Variants in RBFOX1 observed in about 807,000 individuals in gnomAD.
The protein encoded by RBFOX1 is RNA binding protein fox-1 homolog 1.
A neutral mutation model predicts 57.7 loss-of-function variants in RBFOX1; 8 were observed. The ratio of observed to expected loss-of-function variants is 0.14; its 90% confidence interval spans 0.08 to 0.25. RBFOX1 has a LOEUF of 0.25. RBFOX1 is among the 10% of genes least tolerant of loss of function. The pLI is 1.00. For synonymous variants in RBFOX1, 326 were observed against 222.4 expected, an observed-to-expected ratio of 1.47 and a Z score of -4.15; for missense variants, 611 against 548.5, an observed-to-expected ratio of 1.11 and a Z score of -1.14.
At chr16:6,998,909 C>G (rs996693438) in intron 3 of RBFOX1, among the ~76,000 whole-genome samples, 17 of 151,862 alleles carry the variant, frequency 1.1e-4, no homozygotes, top group Non-Finnish European at 2.4e-4. Context: ...CACTCTATCA[C>G]CCAGGCTGGA....
At chr16:6,457,442 C>CCCCT (rs769026594) in intron 2 of RBFOX1, among the ~76,000 whole-genome samples, 3 of 70,104 alleles carry the variant, frequency 4.3e-5, no homozygotes, top group African/African-American at 1.2e-4. Context: ...CGGAAGTCCC[C>CCCCT]CCCCCCGCAA....
chr16:7,201,052 A>G (rs2088262189), intron 4 of RBFOX1, among the ~76,000 whole-genome samples: 1 of 152,356 alleles, frequency 6.6e-6, no homozygotes, highest in Non-Finnish European at 1.5e-5. Flanking sequence ...ATTGAATTTT[A>G]TGAGATCAGT....
At chr16:6,213,906 C>G (rs62016046) in intron 1 of RBFOX1, among the ~76,000 whole-genome samples, 2 of 152,112 alleles carry the variant, frequency 1.3e-5, no homozygotes, top group African/African-American at 4.8e-5. Flanking sequence ...GGATGCTTAG[C>G]AGCATCCCAG....
At chr16:5,776,328 G>C (rs538200727) in intron 3 of RBFOX1, among the ~76,000 whole-genome samples, 3 of 152,182 alleles carry the variant, frequency 2.0e-5, no homozygotes, top group Non-Finnish European at 4.4e-5. Flanking sequence ...CTTCCACTCT[G>C]TGTGTTCTTT....
At chr16:5,790,938 G>A (rs939300900) in intron 3 of RBFOX1, among the ~76,000 whole-genome samples, 7 of 148,938 alleles carry the variant, frequency 4.7e-5, no homozygotes, top group South Asian at 2.1e-4. Context: ...GTGTGATTTC[G>A]GCACACTGCA....
intron 1 of RBFOX1, among the ~76,000 whole-genome samples, chr16:6,066,863 G>A (rs777715735): frequency 7.2e-5 from 11 of 152,094 alleles, no homozygotes; most frequent in Non-Finnish European, 1.6e-4. Flanking sequence ...ATTTGCAGCA[G>A]AAGGTAATTG....
chr16:7,496,489 C>T (rs918114013), intron 4 of RBFOX1, among the ~76,000 whole-genome samples: 11 of 152,008 alleles, frequency 7.2e-5, no homozygotes, highest in South Asian at 2.1e-4. Flanking sequence ...TAACTCAGAG[C>T]CCTTATGGGG....
intron 4 of RBFOX1, among the ~76,000 whole-genome samples, chr16:7,359,992 A>AC (rs1249754648): frequency 6.6e-6 from 1 of 151,880 alleles, no homozygotes; most frequent in Admixed American, 6.6e-5. Flanking sequence ...TCAAAAAAAA[A>AC]CAAAAAACAA....
chr16:7,427,903 C>G (rs191610286), intron 4 of RBFOX1, among the ~76,000 whole-genome samples: 1 of 152,304 alleles, frequency 6.6e-6, no homozygotes, highest in East Asian at 1.9e-4. Flanking sequence ...ATCTGCCTGC[C>G]TTGGCCTCCT....
At chr16:7,361,957 G>A (rs1173877620) in intron 4 of RBFOX1, among the ~76,000 whole-genome samples, 1 of 151,864 alleles carries the variant, frequency 6.6e-6, no homozygotes, top group Non-Finnish European at 1.5e-5. Context: ...TGTTTTGTGT[G>A]TATGTTTGTG....
chr16:6,215,860 A>G (rs1360020882), intron 1 of RBFOX1, among the ~76,000 whole-genome samples: 1 of 152,160 alleles, frequency 6.6e-6, no homozygotes, highest in Non-Finnish European at 1.5e-5. Flanking sequence ...AGTATGAATC[A>G]ACTCGCCACA....
chr16:6,780,454 T>TTATATATA lies in RBFOX1; in HGVS notation c.-16+125805_-16+125806insATATATAT, dbSNP rs1567217635. 4.2e-4 allele frequency among the ~76,000 whole-genome samples: 42 copies of TTATATATA among 100,010 alleles called. 1 individual carries two copies. Among genetic ancestry groups the TTATATATA allele is most frequent in the South Asian group, 2.1e-3 (6 of 2,866 alleles). 65.6% of individuals were successfully genotyped at this position (100,010 alleles called of 152,430 possible). A position where few individuals can be genotyped will look rare whatever the true frequency, so the allele number is the denominator to read the frequency against. The stretch of plus-strand genomic sequence containing the variant: ...TTTATAGATATATTTATATATACAT[T>TTATATATA]TTTATATATATTTATATACATTTTT... On this transcript the variant is annotated intron_variant, in intron 3 of 15. Transcript: ENST00000550418.
At position 5,836,453 on chromosome 16, in the gene RBFOX1, C is replaced by G. The variant is rs754202078; in HGVS notation, c.319-30850C>G. 2.6e-4 allele frequency among the ~76,000 whole-genome samples: 40 copies of G among 152,318 alleles called. 1 individual carries two copies. The highest frequency in any genetic ancestry group is 7.8e-4 in the Admixed American group (12 of 15,304). On this transcript the variant is annotated intron_variant, in intron 3 of 19. Coordinates refer to the RBFOX1 transcript ENST00000641259. Reference sequence around the variant, plus strand: ...ATACCTGTCACTTGCTCCCCCTGTTCTGCTCCCCATCTCAGTGAACAGAAC... The same window carrying G: ...ATACCTGTCACTTGCTCCCCCTGTTGTGCTCCCCATCTCAGTGAACAGAAC...
At chr16:6,749,457 G>A (rs192910298) in intron 3 of RBFOX1, among the ~76,000 whole-genome samples, 14 of 152,244 alleles carry the variant, frequency 9.2e-5, no homozygotes, top group East Asian at 3.9e-4. Context: ...ACTCATAACC[G>A]TCCGGGGAGG....
At chr16:7,664,735 C>A in intron 12 of RBFOX1, 194 bp from the exon 13 acceptor site, 1 of 936,174 alleles carries the variant, frequency 1.1e-6, no homozygotes, top group Non-Finnish European at 1.6e-6. Context: ...GGGCCAACAC[C>A]AAAGCCCGGC....
intron 1 of RBFOX1, among the ~76,000 whole-genome samples, chr16:6,039,715 G>A (rs1391889020): frequency 1.3e-5 from 2 of 152,188 alleles, no homozygotes; most frequent in Non-Finnish European, 1.5e-5. Context: ...CTTTTATGGT[G>A]CCTTTTTCTG....
chr16:5,290,268 A>C (rs1247491646), intron 1 of RBFOX1, among the ~76,000 whole-genome samples: 1 of 152,214 alleles, frequency 6.6e-6, no homozygotes, highest in Non-Finnish European at 1.5e-5. Context: ...AGGCTGAGGC[A>C]GGAGAATTGC....
chr16:6,078,889 G>A (rs1186991596), intron 1 of RBFOX1, among the ~76,000 whole-genome samples: 2 of 152,202 alleles, frequency 1.3e-5, no homozygotes, highest in African/African-American at 2.4e-5. Context: ...TGTGCATGGT[G>A]GATCTTGTTA....
chr16:7,646,288 G>A (rs1005993002), intron 11 of RBFOX1, among the ~76,000 whole-genome samples: 12 of 152,202 alleles, frequency 7.9e-5, no homozygotes, highest in Admixed American at 6.5e-4. Context: ...TTTCGCCTCA[G>A]TATGTTACCT....
Sources: gnomAD v4.1 joint callset for allele counts (sites outside exome capture counted in the v4.1 genomes callset) on GRCh38, gnomAD v4.1.1 for gene constraint, MANE v1.5 for transcripts, NCBI Gene and HGNC (gene_info 2026-07-23, HGNC 2026-07-21) for gene names.